KDM6A: variants seen among roughly 807,000 people sequenced by gnomAD.
KDM6A encodes lysine demethylase 6A, also known as lysine-specific demethylase 6A.
A neutral mutation model predicts 117.6 loss-of-function variants in KDM6A; 11 were observed. The observed-to-expected ratio is 0.09, with a 90% CI of 0.06 to 0.15. KDM6A has a LOEUF of 0.15. KDM6A is among the 10% of genes least tolerant of loss of function. The pLI, the probability that KDM6A is intolerant of heterozygous loss-of-function variation, is 1.00. For missense variants in KDM6A, 799 were observed against 1,077.3 expected (o/e 0.74, Z 3.62); for synonymous variants, 384 against 396.1 (o/e 0.97, Z 0.36).
At chrX:44,907,213 G>T (rs1485506872) in intron 2 of KDM6A, among the ~76,000 whole-genome samples, 5 of 112,092 alleles carry the variant, frequency 4.5e-5, no homozygotes, top group Admixed American at 3.8e-4. Context: ...AATTTTCTGT[G>T]TTTTCTCTCA....
chrX:45,063,754 C>T lies in KDM6A; in HGVS notation c.2016C>T (p.Asn672=), dbSNP rs752444214. Residue 672 remains asparagine, a synonymous_variant, in exon 17 of 30, where the codon AAC becomes AAT. Transcript: ENST00000611820. The part of the protein sequence containing the change: ...LQRNALTLPH[N]RTNLTSSAEE... Reference sequence around the variant, plus strand: ...GAAACGCACTCACTCTACCTCATAACCGCACAAACCTGACCAGCAGCGCAG... The same window carrying T: ...GAAACGCACTCACTCTACCTCATAATCGCACAAACCTGACCAGCAGCGCAG... 1 of 1,207,244 alleles carries T rather than the reference C, an allele frequency of 8.3e-7. No homozygotes were observed. Among genetic ancestry groups the T allele is most frequent in the Non-Finnish European group, 1.1e-6 (1 of 892,916 alleles).
At chrX:45,086,203 T>C (rs1296731171) in intron 25 of KDM6A, 1 of 340,130 alleles carries the variant, frequency 2.9e-6, no homozygotes, top group Admixed American at 4.9e-5. Context: ...GTAGTACCCA[T>C]GAATTAAGAA....
intron 2 of KDM6A, among the ~76,000 whole-genome samples, chrX:44,880,055 C>T (rs1286368505): frequency 9.2e-6 from 1 of 108,982 alleles, no homozygotes; most frequent in Non-Finnish European, 1.9e-5. Context: ...CACCTGTAGT[C>T]CCAGCTACTT....
At chrX:44,924,296 A>T (rs1181370067) in intron 2 of KDM6A, among the ~76,000 whole-genome samples, 2 of 111,850 alleles carry the variant, frequency 1.8e-5, no homozygotes, top group African/African-American at 6.5e-5. Context: ...TATTGTTCGC[A>T]TCTACGTTCA....
chrX:45,039,475 G>C (rs1331100609), intron 8 of KDM6A, among the ~76,000 whole-genome samples: 1 of 106,684 alleles, frequency 9.4e-6, no homozygotes, highest in Non-Finnish European at 1.9e-5. Flanking sequence ...GTGGGCACAG[G>C]GCCCTCCTCC....
At chrX:44,915,495 T>G in intron 2 of KDM6A, among the ~76,000 whole-genome samples, 2 of 112,259 alleles carry the variant, frequency 1.8e-5, no homozygotes, top group Non-Finnish European at 3.8e-5. Flanking sequence ...AAGAGCGGTA[T>G]AGCTAATCTG....
chrX:45,104,566 T>G (rs1487477040), intron 27 of KDM6A, among the ~76,000 whole-genome samples: 1 of 111,981 alleles, frequency 8.9e-6, no homozygotes, highest in Admixed American at 9.5e-5. Flanking sequence ...TGCTTTCTAT[T>G]TTTCCCTATC....
At chrX:45,070,472 C>A in intron 18 of KDM6A, 115 bp downstream of exon 18, 1 of 652,586 alleles carries the variant, frequency 1.5e-6, no homozygotes, top group Non-Finnish European at 2.4e-6. Context: ...TGTAGTCATT[C>A]ATCTAAGAGT....
chrX:44,896,965 T>C (rs1199334511), intron 2 of KDM6A, among the ~76,000 whole-genome samples: 1 of 110,827 alleles, frequency 9.0e-6, no homozygotes, highest in African/African-American at 3.3e-5. Context: ...GTGTCTTTTT[T>C]ATTTGGGGTT....
At chrX:45,055,915 A>G (rs1021529579) in intron 10 of KDM6A, among the ~76,000 whole-genome samples, 1 of 111,647 alleles carries the variant, frequency 9.0e-6, no homozygotes, top group Non-Finnish European at 1.9e-5. Context: ...TAAAATTATA[A>G]TGAACCATGT....
intron 4 of KDM6A, among the ~76,000 whole-genome samples, chrX:44,984,103 C>G (rs1371284831): frequency 2.7e-5 from 3 of 110,364 alleles, no homozygotes; most frequent in Non-Finnish European, 5.7e-5. Context: ...GATTGCCATT[C>G]TAACTGGTGT....
chrX:45,085,639 A>C (rs1490323334), intron 24 of KDM6A, among the ~76,000 whole-genome samples: 1 of 112,078 alleles, frequency 8.9e-6, no homozygotes, highest in Non-Finnish European at 1.9e-5. Context: ...ACTGCCTATC[A>C]TAGAAGCTCT....
At chrX:44,963,483 G>GTGTGTGTGTGTGTCTGTCTGTCTGTC (rs1481840859) in intron 3 of KDM6A, among the ~76,000 whole-genome samples, 3 of 40,884 alleles carry the variant, frequency 7.3e-5, no homozygotes, top group African/African-American at 2.3e-4. Flanking sequence ...GTGTGTGTGT[G>GTGTGTGTGTGTGTCTGTCTGTCTGTC]TGTCTGTCTG....
rs1335154307 is a variant in KDM6A, at chrX:45,068,831, TTTCC to T, written c.2080-747_2080-744del. Among the ~76,000 whole-genome samples the T allele has an allele frequency of 3.6e-3, 386 of 107,417 alleles. 3 individuals carry two copies. The highest frequency in any genetic ancestry group is 0.031 in the East Asian group (107 of 3,419). The allele number at this position is 107,417 out of a possible 115,157, so 93.3% of individuals were successfully genotyped here. A position where few individuals can be genotyped will look rare whatever the true frequency, so the allele number is the denominator to read the frequency against. ...CTTTCTCTTTCTCTTTCTCTTTCCC[TTTCC>T]CTTTCCCTTTCCCTTTCCCTTTCTC... On this transcript the variant is annotated intron_variant, in intron 17 of 29. Transcript: ENST00000611820.
At chrX:45,041,887 G>GGGCC in intron 8 of KDM6A, among the ~76,000 whole-genome samples, 1 of 99,012 alleles carries the variant, frequency 1.0e-5, no homozygotes, top group Middle Eastern at 4.9e-3. Context: ...GCACTTTGGG[G>GGGCC]GGCCAAGGCA....
intron 2 of KDM6A, among the ~76,000 whole-genome samples, chrX:44,896,178 A>G (rs1377432500): frequency 1.9e-5 from 2 of 107,217 alleles, no homozygotes; most frequent in East Asian, 5.8e-4. Flanking sequence ...GGTTCATGCC[A>G]TTCTCCTGCT....
chrX:45,084,990 A>T (rs192252369), intron 24 of KDM6A, among the ~76,000 whole-genome samples: 2 of 111,704 alleles, frequency 1.8e-5, no homozygotes, highest in Non-Finnish European at 3.8e-5. Flanking sequence ...AGAGGATTCT[A>T]ATATACAGCC....
At chrX:44,892,575 C>T (rs1452172156) in intron 2 of KDM6A, among the ~76,000 whole-genome samples, 1 of 111,040 alleles carries the variant, frequency 9.0e-6, no homozygotes, top group African/African-American at 3.3e-5. Context: ...GCTTGTAGTC[C>T]CAGCTACTCA....
intron 4 of KDM6A, among the ~76,000 whole-genome samples, chrX:45,010,152 C>T (rs2041687866): frequency 9.1e-6 from 1 of 110,244 alleles, no homozygotes; most frequent in Non-Finnish European, 1.9e-5. Flanking sequence ...ATACTGGGTA[C>T]TCAAACATTT....
Sources: gnomAD v4.1 joint callset for allele counts (sites outside exome capture counted in the v4.1 genomes callset) on GRCh38, gnomAD v4.1.1 for gene constraint, MANE v1.5 for transcripts, NCBI Gene and HGNC (gene_info 2026-07-23, HGNC 2026-07-21) for gene names.